Variants in MCF2L observed in about 807,000 individuals in gnomAD.
The protein encoded by MCF2L is guanine nucleotide exchange factor DBS.
MCF2L carries 97 observed loss-of-function variants against 153.4 expected under a neutral mutation model. The ratio of observed to expected loss-of-function variants is 0.63; its 90% confidence interval spans 0.54 to 0.75. The LOEUF (loss-of-function observed/expected upper bound fraction) is 0.75, where lower values mean the gene tolerates loss of function less well. MCF2L is among the 30% of genes least tolerant of loss of function. The pLI, the probability that MCF2L is intolerant of heterozygous loss-of-function variation, is 0.00. For synonymous variants in MCF2L, 659 were observed against 632.2 expected (o/e 1.04, Z -0.64); for missense variants, 1,347 against 1,495.2 (o/e 0.90, Z 1.64).
At chr13:113,012,933 G>C (rs1384651584) in intron 1 of MCF2L, among the ~76,000 whole-genome samples, 2 of 136,852 alleles carry the variant, frequency 1.5e-5, no homozygotes, top group East Asian at 4.7e-4. Flanking sequence ...CGGTGGACAG[G>C]CGGTGTGGAC....
At chr13:112,985,522 C>T (rs1468321348) in intron 1 of MCF2L, 1 of 466,768 alleles carries the variant, frequency 2.1e-6, no homozygotes, top group African/African-American at 2.0e-5. Flanking sequence ...AGGTGGTGTG[C>T]TCGGAGCAGT....
Position 112,943,449 on chromosome 13 carries a change from G to A in MCF2L, c.169+41078G>A, listed in dbSNP as rs1454881937. ...GAGGGCGCCGGCGCCCGGGAGAGGC[G>A]CCGCCTTGGTTGCAGGGGCCGGGGC... On this transcript the variant is annotated intron_variant, in intron 2 of 29. Transcript: ENST00000375608. This position sits in a 1 kb window ranked among gnomAD's most constrained non-coding sequence, Gnocchi z 4.2. Among the ~76,000 whole-genome samples the A allele has an allele frequency of 6.6e-6, 1 of 151,966 alleles. No homozygotes were observed. Among genetic ancestry groups the A allele is most frequent in the Non-Finnish European group, 1.5e-5 (1 of 67,966 alleles).
In MCF2L at chr13:113,063,214, G is replaced by A. The variant is rs538124544; in HGVS notation, c.490-1090G>A. ...GAGGCAGCTGAGACACAGAGTGGGC[G>A]GCTGGCCTGCGGGCGAGTGGGACCC... On this transcript the variant is annotated intron_variant, in intron 5 of 29. Coordinates refer to ENST00000535094, the MANE Select transcript of MCF2L (RefSeq NM_001112732.3). Among the ~76,000 whole-genome samples the A allele has an allele frequency of 2.6e-5, 4 of 152,292 alleles. No homozygotes were observed. The South Asian group carries it at 8.3e-4, about 32-fold the overall frequency.
chr13:113,095,884 A>G, intron 27 of MCF2L: 1 of 764,526 alleles, frequency 1.3e-6, no homozygotes, highest in Non-Finnish European at 1.6e-6. Flanking sequence ...CCGGAGACAA[A>G]GCGGGAACAG....
intron 18 of MCF2L, chr13:113,084,577 C>T: frequency 2.3e-6 from 1 of 440,826 alleles, no homozygotes; most frequent in Non-Finnish European, 4.0e-6. Flanking sequence ...ATAAACAAAT[C>T]AACAAACCAC....
chr13:113,055,096 C>T (rs2087640645), intron 4 of MCF2L, among the ~76,000 whole-genome samples: 1 of 152,114 alleles, frequency 6.6e-6, no homozygotes, highest in Non-Finnish European at 1.5e-5. Flanking sequence ...AAACGGTCAA[C>T]TCCAATTCAG....
chr13:112,935,961 G>C (rs895449017), intron 2 of MCF2L, among the ~76,000 whole-genome samples: 10 of 152,144 alleles, frequency 6.6e-5, no homozygotes, highest in Non-Finnish European at 1.3e-4. Flanking sequence ...GCCTGGAACC[G>C]ATCCTTCCCT....
At chr13:113,075,219 C>T (rs1374017279) in intron 11 of MCF2L, 30 bp downstream of exon 11, 4 of 1,555,024 alleles carry the variant, frequency 2.6e-6, no homozygotes, top group Non-Finnish European at 3.5e-6. Context: ...ACCCCACTCC[C>T]CCCCAGCTGC....
Position 113,087,427 on chromosome 13 carries a change from C to G in MCF2L, c.2566C>G (p.Pro856Ala), listed in dbSNP as rs1476156601. The change falls in exon 22 of 30, where the codon CCC (proline) becomes GCC (alanine). Residue 856 changes from proline to alanine, a missense_variant. By Grantham distance (27) the Pro-to-Ala change is conservative. Coordinates refer to ENST00000535094, the MANE Select transcript of MCF2L (RefSeq NM_001112732.3). ...GAATGGGGAGGGGTATGAGAAAGCT[C>G]CCTCCTACAGCTACAAGCAGTCCTT... ...EENGEGYEKA[P>A]SYSYKQSLNM... The G allele has an allele frequency of 1.9e-6, 3 of 1,612,054 alleles. No individual in the cohort carries two copies. Among genetic ancestry groups the G allele is most frequent in the Admixed American group, 1.7e-5 (1 of 59,898 alleles).
chr13:112,971,885 G>A (rs977426137), intron 1 of MCF2L, among the ~76,000 whole-genome samples: 1 of 152,172 alleles, frequency 6.6e-6, no homozygotes, highest in African/African-American at 2.4e-5. Context: ...GAAGACATTC[G>A]AGGGAGCAAT....
At chr13:112,909,582 GA>G in intron 2 of MCF2L, 1 of 429,254 alleles carries the variant, frequency 2.3e-6, no homozygotes, top group African/African-American at 1.9e-5. Flanking sequence ...TAATAACCAA[GA>G]GGATGAATCT....
At position 112,932,584 on chromosome 13, in the gene MCF2L, G is replaced by GGT. The variant is rs962483560; in HGVS notation, c.169+30219_169+30220dup. Among the ~76,000 whole-genome samples the GGT allele has an allele frequency of 2.0e-5, 3 of 152,154 alleles. No individual in the cohort carries two copies. The highest frequency in any genetic ancestry group is 7.2e-5 in the African/African-American group (3 of 41,432). ...GAATATTGGAGGACACTGGGGGAGG[G>GGT]GTGTGTGGGAGCCCTGTTCTATGTC... On this transcript the variant is annotated intron_variant, in intron 2 of 29. Transcript: ENST00000375608. The surrounding 1 kb of genome is among the most constrained non-coding windows in gnomAD (Gnocchi z 4.6).
chr13:113,060,579 G>T lies in MCF2L; in HGVS notation c.370-14G>T, dbSNP rs144058627. The T allele has an allele frequency of 6.2e-7, 1 of 1,611,668 alleles. No homozygotes were observed. The highest frequency in any genetic ancestry group is 2.2e-5 in the East Asian group (1 of 44,866). ...AGCACGCTGCAGGCCCTTGTCTCTC[G>T]CCCTCTCTCACAGGCATCTTTCCCG... On this transcript the variant is annotated splice_polypyrimidine_tract_variant and intron_variant, in intron 4 of 29. Transcript: ENST00000535094.
intron 2 of MCF2L, among the ~76,000 whole-genome samples, chr13:112,905,213 G>C (rs77520622): frequency 6.6e-6 from 1 of 152,178 alleles, no homozygotes; most frequent in African/African-American, 2.4e-5. Flanking sequence ...AGAGCACACC[G>C]AACAAAGGAG....
intron 3 of MCF2L, among the ~76,000 whole-genome samples, chr13:113,033,540 G>A (rs112324181): frequency 6.4e-4 from 98 of 152,298 alleles, no homozygotes; most frequent in African/African-American, 2.2e-3. Flanking sequence ...CCCTGTTGGG[G>A]TCACTGCTGT....
intron 1 of MCF2L, among the ~76,000 whole-genome samples, chr13:112,971,534 C>G (rs953587791): frequency 3.2e-4 from 48 of 152,186 alleles, no homozygotes; most frequent in African/African-American, 1.1e-3. Context: ...TCTGTAGATT[C>G]ACCCCCAACC....
intron 2 of MCF2L, among the ~76,000 whole-genome samples, chr13:112,914,564 C>T (rs2081270849): frequency 6.6e-6 from 1 of 152,250 alleles, no homozygotes; most frequent in Admixed American, 6.5e-5. Flanking sequence ...CACACTCGCT[C>T]TGTGAGCCAC....
intron 15 of MCF2L, among the ~76,000 whole-genome samples, chr13:113,080,878 G>A (rs1481095224): frequency 2.6e-5 from 4 of 152,248 alleles, no homozygotes; most frequent in South Asian, 2.1e-4. Flanking sequence ...GCCCATGAGC[G>A]TGAGGAACTC....
chr13:112,931,785 A>G (rs563226228), intron 2 of MCF2L, among the ~76,000 whole-genome samples: 1 of 152,308 alleles, frequency 6.6e-6, no homozygotes, highest in East Asian at 1.9e-4. Flanking sequence ...GGAACAAAAC[A>G]AACAAAACAA....
Sources: gnomAD v4.1 joint callset for allele counts (sites outside exome capture counted in the v4.1 genomes callset) on GRCh38, gnomAD v4.1.1 for gene constraint, Gnocchi (gnomAD v3.1) non-coding constraint, MANE v1.5 for transcripts, NCBI Gene and HGNC (gene_info 2026-07-23, HGNC 2026-07-21) for gene names.